The following ADGRD1 variants were observed in gnomAD, a reference collection of about 807,000 sequenced individuals.
ADGRD1 encodes adhesion G protein-coupled receptor D1.
Under a neutral mutation model 113.4 loss-of-function variants are expected in ADGRD1, and 77 were observed. The observed-to-expected ratio is 0.68, with a 90% confidence interval of 0.57 to 0.82. ADGRD1 has a LOEUF of 0.82. Among genes scored for constraint, ADGRD1 ranks in the 40% least tolerant of loss-of-function variants. The pLI, the probability that ADGRD1 is intolerant of heterozygous loss-of-function variation, is 0.00. For synonymous variants in ADGRD1, 474 were observed against 475.0 expected (o/e 1.00, Z 0.03); for missense variants, 1,036 against 1,139.1 (o/e 0.91, Z 1.30).
At position 130,968,792 on chromosome 12, in the gene ADGRD1, GC is replaced by G. The variant is rs1871291083; in HGVS notation, c.187+2247del. 6.5e-5 allele frequency: 38 copies of G among 584,016 alleles called. 1 individual carries two copies. In the South Asian group the frequency reaches 7.8e-4, roughly 12 times the overall value. 36.2% of individuals were successfully genotyped at this position (584,016 alleles called of 1,614,324 possible). Reference sequence around the variant, plus strand: ...TGAGTGGGGCCACTGGAGTGGCCGAGCTGCTGACCAAAGTAAACAAGGGTGG... The same window carrying G: ...TGAGTGGGGCCACTGGAGTGGCCGAGTGCTGACCAAAGTAAACAAGGGTGG... On this transcript the variant is annotated intron_variant, in intron 3 of 24. Coordinates refer to ENST00000261654, the MANE Select transcript of ADGRD1 (RefSeq NM_198827.5).
intron 13 of ADGRD1, among the ~76,000 whole-genome samples, chr12:131,017,974 C>G (rs1878830032): frequency 6.6e-6 from 1 of 152,168 alleles, no homozygotes; most frequent in South Asian, 2.1e-4. Context: ...ATCCAGCACC[C>G]ATATAGGCAC....
chr12:130,969,036 A>C, intron 3 of ADGRD1: 2 of 1,533,854 alleles, frequency 1.3e-6, no homozygotes, highest in Non-Finnish European at 1.7e-6. Flanking sequence ...TGTGTATTCC[A>C]ATGATTCTGC....
Position 131,112,379 on chromosome 12 carries a change from C to T in ADGRD1, c.2041+3502C>T, listed in dbSNP as rs532531326. Among the ~76,000 whole-genome samples, 10 of 152,324 alleles carry T rather than the reference C, an allele frequency of 6.6e-5. No homozygotes were observed. The East Asian group carries it at 1.7e-3, about 26-fold the overall frequency. On this transcript the variant is annotated intron_variant, in intron 18 of 24. Transcript: ENST00000261654. ...ATAGCTTGGGGCACATGATGCTCTA[C>T]AGCTTGATCTGATTAAATCCAGGCC... is the stretch of plus-strand genomic sequence containing the variant.
chr12:131,082,693 T>G (rs560754275), intron 14 of ADGRD1, among the ~76,000 whole-genome samples: 211 of 152,200 alleles, frequency 1.4e-3, no homozygotes, highest in African/African-American at 4.7e-3. Flanking sequence ...CTGGGAAAAT[T>G]AGATCAAAAG....
chr12:130,992,437 C>A (rs774384192), intron 8 of ADGRD1, 45 bp downstream of exon 8: 63 of 1,519,446 alleles, frequency 4.1e-5, no homozygotes, highest in Non-Finnish European at 5.1e-5. Flanking sequence ...GGCGTGGCAC[C>A]CTTACCGGGA....
chr12:131,116,897 G>A (rs537217536), intron 18 of ADGRD1, among the ~76,000 whole-genome samples: 48 of 152,340 alleles, frequency 3.2e-4, no homozygotes, highest in African/African-American at 1.1e-3. Flanking sequence ...CGAGAAGTGT[G>A]TTCTTTTCAG....
chr12:131,017,797 CAG>C (rs1423139860), intron 13 of ADGRD1, among the ~76,000 whole-genome samples: 3 of 150,742 alleles, frequency 2.0e-5, no homozygotes, highest in Admixed American at 1.3e-4. Context: ...ACACCCAACA[CAG>C]ACACACCCAG....
chr12:130,985,953 G>T (rs979571742), intron 5 of ADGRD1, among the ~76,000 whole-genome samples: 3 of 152,030 alleles, frequency 2.0e-5, no homozygotes, highest in African/African-American at 7.2e-5. Context: ...TTTCTCCTTT[G>T]TCAAAGATTG....
At chr12:130,995,739 T>C (rs1233007128) in intron 8 of ADGRD1, among the ~76,000 whole-genome samples, 1 of 152,194 alleles carries the variant, frequency 6.6e-6, no homozygotes, top group East Asian at 1.9e-4. Context: ...TGAAATCTTT[T>C]TTTTTTTTCA....
intron 19 of ADGRD1, among the ~76,000 whole-genome samples, chr12:131,118,708 T>C (rs554003582): frequency 2.0e-5 from 3 of 152,340 alleles, no homozygotes; most frequent in East Asian, 3.9e-4. Context: ...GGGGGCCTGC[T>C]AGGAGTTTCT....
In ADGRD1 at chr12:131,084,424, G is replaced by A; in HGVS notation, c.1548-116G>A. On this transcript the variant is annotated intron_variant, in intron 14 of 24. Transcript: ENST00000261654. This position sits in a 1 kb window ranked among gnomAD's most constrained non-coding sequence, Gnocchi z 4.5. ...TGGGTGTGCATTCCTGGCGTGGCAG[G>A]TGTGGGCGCCGCCATGAGTTCACGG... The A allele has an allele frequency of 1.8e-6, 2 of 1,084,356 alleles. No homozygotes were observed. Among genetic ancestry groups the A allele is most frequent in the Admixed American group, 1.8e-5 (1 of 55,414 alleles). 67.2% of individuals were successfully genotyped at this position (1,084,356 alleles called of 1,614,324 possible).
chr12:130,976,644 TG>T (rs1317626085), intron 4 of ADGRD1: 2 of 152,178 alleles, frequency 1.3e-5, no homozygotes, highest in African/African-American at 4.8e-5. Context: ...TCCTGCCAGG[TG>T]GGTGGATCCA....
At chr12:130,999,114 T>C (rs190323218) in intron 8 of ADGRD1, among the ~76,000 whole-genome samples, 57 of 152,374 alleles carry the variant, frequency 3.7e-4, no homozygotes, top group African/African-American at 1.3e-3. Context: ...ATGATAGATG[T>C]GGCCCATATT....
chr12:131,131,694 C>G (rs1215911929), intron 20 of ADGRD1, 31 bp from the exon 21 acceptor site: 10 of 1,417,278 alleles, frequency 7.1e-6, no homozygotes, highest in Non-Finnish European at 9.0e-6. Flanking sequence ...GCCCAGGCCC[C>G]CCTCACCTTC....
intron 15 of ADGRD1, among the ~76,000 whole-genome samples, chr12:131,097,465 G>A (rs1234548194): frequency 6.6e-6 from 1 of 152,226 alleles, no homozygotes; most frequent in African/African-American, 2.4e-5. Flanking sequence ...CCGGGCTGTC[G>A]GTTCATTTCC....
At chr12:131,088,338 A>C (rs1286880309) in intron 15 of ADGRD1, among the ~76,000 whole-genome samples, 1 of 152,200 alleles carries the variant, frequency 6.6e-6, no homozygotes, top group Non-Finnish European at 1.5e-5. Context: ...GCACGCACAG[A>C]GACACAGCAA....
chr12:131,072,422 C>T lies in ADGRD1; in HGVS notation c.1474-4379C>T, dbSNP rs912020528. 3.3e-5 allele frequency among the ~76,000 whole-genome samples: 5 copies of T among 152,326 alleles called. No individual in the cohort carries two copies. In the South Asian group the frequency reaches 8.3e-4, roughly 25 times the overall value. ...TCGGTGGGTCTCTCTGACCCTGGTGCGTCCCAGGTGGCCATGGGCTGTGCT... is the reference window on the plus strand; with the variant it reads ...TCGGTGGGTCTCTCTGACCCTGGTGTGTCCCAGGTGGCCATGGGCTGTGCT... On this transcript the variant is annotated intron_variant, in intron 13 of 24. Coordinates refer to ENST00000261654, the MANE Select transcript of ADGRD1 (RefSeq NM_198827.5).
At chr12:131,067,033 C>T (rs79136488) in intron 13 of ADGRD1, among the ~76,000 whole-genome samples, 119 of 152,132 alleles carry the variant, frequency 7.8e-4, no homozygotes, top group African/African-American at 2.5e-3. Context: ...ACGGGGCTGC[C>T]GCCAGGCTCA....
intron 13 of ADGRD1, among the ~76,000 whole-genome samples, chr12:131,049,081 T>G (rs1304522131): frequency 6.6e-6 from 1 of 152,238 alleles, no homozygotes; most frequent in African/African-American, 2.4e-5. Flanking sequence ...ATACTTCATA[T>G]GCTGTACGTC....
Sources: allele counts gnomAD v4.1 joint callset (sites outside exome capture counted in the v4.1 genomes callset), GRCh38; gene constraint gnomAD v4.1.1; non-coding constraint Gnocchi (gnomAD v3.1); transcripts MANE v1.5; gene names NCBI Gene and HGNC (gene_info 2026-07-23, HGNC 2026-07-21).